UNK: variants seen among roughly 807,000 people sequenced by gnomAD.
UNK encodes the protein unk zinc finger.
In UNK, 32 loss-of-function variants were observed where a neutral mutation model predicts 97.6. The ratio of observed to expected loss-of-function variants is 0.33; its 90% CI spans 0.25 to 0.44. The LOEUF is 0.44. Among genes scored for constraint, UNK ranks in the 20% least tolerant of loss-of-function variants. UNK has a pLI of 1.00. For missense variants in UNK, 771 were observed against 1,098.4 expected (o/e 0.70, Z 4.21); for synonymous variants, 441 against 461.2 (o/e 0.96, Z 0.56).
At chr17:75,800,724 G>A (rs1292931717) in intron 1 of UNK, among the ~76,000 whole-genome samples, 1 of 151,492 alleles carries the variant, frequency 6.6e-6, no homozygotes, top group East Asian at 2.0e-4. Flanking sequence ...GTGACAGAGC[G>A]AGACTCTGTC....
At chr17:75,823,592 G>T in intron 15 of UNK, 70 bp downstream of exon 15, 1 of 1,454,520 alleles carries the variant, frequency 6.9e-7, no homozygotes, top group Non-Finnish European at 9.1e-7. Flanking sequence ...CTCTGACCTG[G>T]TCCAGGCTGC....
chr17:75,818,046 T>G lies in UNK; in HGVS notation c.1306-57T>G. ...TGGTACCTGCAGCCTCAGGGTCAGA[T>G]GGACTCAGGGACCCCCCAGCACCAC... On this transcript the variant is annotated intron_variant, in intron 9 of 15. Transcript: ENST00000589666. The surrounding 1 kb of genome is among the most constrained non-coding windows in gnomAD (Gnocchi z 5.1). 2.5e-6 allele frequency: 4 copies of G among 1,581,740 alleles called. No individual in the cohort carries two copies. In the African/African-American group the frequency reaches 5.4e-5, roughly 21 times the overall value.
In UNK at chr17:75,806,237, C is replaced by T. The variant is rs185532016; in HGVS notation, c.105-3523C>T. On this transcript the variant is annotated intron_variant, in intron 1 of 15. Transcript: ENST00000589666. ...TTGGGAGGCCGAGGCGGGCGGATCGCAAGTTCAGGAGATCAAGACCATCTG... is the reference window on the plus strand; with the variant it reads ...TTGGGAGGCCGAGGCGGGCGGATCGTAAGTTCAGGAGATCAAGACCATCTG... 1.0e-3 allele frequency among the ~76,000 whole-genome samples: 153 copies of T among 151,648 alleles called. 2 individuals carry two copies. The South Asian group carries it at 0.02, about 20-fold the overall frequency.
Position 75,813,125 on chromosome 17 carries a change from C to G in UNK, c.670C>G (p.Pro224Ala). ...CTATAAGACGGAGCCTTGCAAGAAG[C>G]CCCCGCGGCTGTGCCGCCAAGGCTA... ...GNYKTEPCKK[P>A]PRLCRQGYAC... The change falls in exon 5 of 16, where the codon CCC becomes GCC. Residue 224 changes from proline to alanine, a missense_variant. Coordinates refer to ENST00000589666, the MANE Select transcript of UNK (RefSeq NM_001080419.3). 6.3e-7 allele frequency: 1 copy of G among 1,587,104 alleles called. No homozygotes were observed. The highest frequency in any genetic ancestry group is 8.6e-7 in the Non-Finnish European group (1 of 1,167,032).
intron 1 of UNK, among the ~76,000 whole-genome samples, chr17:75,803,634 A>G (rs2061883972): frequency 6.6e-6 from 1 of 152,180 alleles, no homozygotes; most frequent in African/African-American, 2.4e-5. Context: ...AAATATCTTA[A>G]TTTATCATGT....
intron 1 of UNK, among the ~76,000 whole-genome samples, chr17:75,796,674 G>A (rs1016615510): frequency 5.9e-5 from 9 of 152,114 alleles, no homozygotes; most frequent in African/African-American, 2.2e-4. Context: ...TTACAAAGTT[G>A]TATGGTTTCT....
intron 6 of UNK, 119 bp downstream of exon 6, chr17:75,813,997 C>T (rs950024470): frequency 1.2e-6 from 1 of 859,336 alleles, no homozygotes; most frequent in South Asian, 1.7e-5. Context: ...GACTTGTGGC[C>T]ACCAGCTCTC....
At chr17:75,815,885 T>TAAAAAAAAAAA (rs35955807) in intron 7 of UNK, among the ~76,000 whole-genome samples, 2 of 119,150 alleles carry the variant, frequency 1.7e-5, no homozygotes, top group African/African-American at 3.1e-5. Flanking sequence ...GACTCTGTCT[T>TAAAAAAAAAAA]AAAAAAAAAA....
intron 1 of UNK, among the ~76,000 whole-genome samples, chr17:75,787,245 T>G (rs2061720868): frequency 6.6e-6 from 1 of 152,114 alleles, no homozygotes; most frequent in Non-Finnish European, 1.5e-5. Context: ...AGATAGGGTC[T>G]CTGTCATCCA....
intron 13 of UNK, among the ~76,000 whole-genome samples, chr17:75,820,617 T>C (rs1227057703): frequency 6.6e-6 from 1 of 152,198 alleles, no homozygotes; most frequent in Admixed American, 6.5e-5. Context: ...AGAAGGCTGT[T>C]TGCCCACAGA....
At chr17:75,815,901 A>T (rs1286773894) in intron 7 of UNK, among the ~76,000 whole-genome samples, 2 of 152,034 alleles carry the variant, frequency 1.3e-5, no homozygotes, top group Admixed American at 6.6e-5. Flanking sequence ...AAAAAAAAAA[A>T]AAAAATTAAA....
chr17:75,793,348 C>A (rs781104892), intron 1 of UNK: 52 of 903,634 alleles, frequency 5.8e-5, no homozygotes, highest in Non-Finnish European at 6.5e-5. Context: ...AAAATGATAT[C>A]AATGGCTATA....
intron 13 of UNK, 103 bp downstream of exon 13, chr17:75,820,211 G>C: frequency 3.9e-6 from 5 of 1,294,258 alleles, no homozygotes; most frequent in Non-Finnish European, 5.3e-6. Flanking sequence ...TAGGCTGGGG[G>C]TTAGGGCAGA....
rs1315580354 is a variant in UNK, at chr17:75,817,430, G to A, written c.1209G>A (p.Gly403=). Residue 403 remains glycine (G), a synonymous_variant, in exon 9 of 16, where the codon GGG becomes GGA. Coordinates refer to ENST00000589666, the MANE Select transcript of UNK (RefSeq NM_001080419.3). This position sits in a 1 kb window ranked among gnomAD's most constrained non-coding sequence, Gnocchi z 5.8. The stretch of plus-strand genomic sequence containing the variant: ...ACCTGGAGGGCATCGTCTTCCCTGG[G>A]GAGTCTGGCCTGGCCCCTGGCAGCT... ...PPNLEGIVFP[G]ESGLAPGSYK... is the part of the protein sequence containing the mutation. The A allele has an allele frequency of 6.2e-7, 1 of 1,613,362 alleles. No individual in the cohort carries two copies. Among genetic ancestry groups the A allele is most frequent in the Non-Finnish European group, 8.5e-7 (1 of 1,179,654 alleles).
chr17:75,787,068 T>G (rs1169606304), intron 1 of UNK, among the ~76,000 whole-genome samples: 1 of 152,188 alleles, frequency 6.6e-6, no homozygotes, highest in Admixed American at 6.5e-5. Flanking sequence ...AAATCAGAGA[T>G]AGAAATCAGT....
intron 1 of UNK, among the ~76,000 whole-genome samples, chr17:75,805,281 C>G (rs979373078): frequency 1.3e-5 from 2 of 150,670 alleles, no homozygotes; most frequent in Non-Finnish European, 3.0e-5. Flanking sequence ...GGCTGTGGTC[C>G]CAGCTACCTG....
At chr17:75,807,801 C>G (rs1391243346) in intron 1 of UNK, among the ~76,000 whole-genome samples, 1 of 151,518 alleles carries the variant, frequency 6.6e-6, no homozygotes, top group Non-Finnish European at 1.5e-5. Flanking sequence ...TTTGGCCAGT[C>G]TGGTCTTGAA....
intron 13 of UNK, among the ~76,000 whole-genome samples, chr17:75,821,052 GT>G (rs35420891): frequency 1.4e-3 from 201 of 147,410 alleles, no homozygotes; most frequent in Non-Finnish European, 2.4e-3. Flanking sequence ...GATAGGATCT[GT>G]TTTTTTTTTT....
rs758851423 is a variant in UNK at position 75,817,323 on chromosome 17, C to T, written c.1105-3C>T. 2 of 1,571,056 alleles carry T rather than the reference C, an allele frequency of 1.3e-6. No individual in the cohort carries two copies. Among genetic ancestry groups the T allele is most frequent in the East Asian group, 2.3e-5 (1 of 44,168 alleles). On this transcript the variant is annotated splice_region_variant and splice_polypyrimidine_tract_variant and intron_variant, in intron 8 of 15. Coordinates refer to ENST00000589666, the MANE Select transcript of UNK (RefSeq NM_001080419.3). The surrounding 1 kb of genome is among the most constrained non-coding windows in gnomAD (Gnocchi z 5.8). ...GCCCACTCCCTCCCCTCCTTCTCCGCAGCTCCTCTGTAGAAACAGCAGCCT... is the reference window on the plus strand; with the variant it reads ...GCCCACTCCCTCCCCTCCTTCTCCGTAGCTCCTCTGTAGAAACAGCAGCCT...
Sources: allele counts gnomAD v4.1 joint callset (sites outside exome capture counted in the v4.1 genomes callset), GRCh38; gene constraint gnomAD v4.1.1; non-coding constraint Gnocchi (gnomAD v3.1); transcripts MANE v1.5; gene names NCBI Gene and HGNC (gene_info 2026-07-23, HGNC 2026-07-21).